Variants in DOCK2 observed in about 807,000 individuals in gnomAD.
The protein encoded by DOCK2 is dedicator of cytokinesis protein 2.
A neutral mutation model predicts 248.9 loss-of-function variants in DOCK2; 87 were observed. The observed-to-expected ratio is 0.35, with a 90% CI of 0.29 to 0.42. The LOEUF (loss-of-function observed/expected upper bound fraction) is 0.42. Ranked by LOEUF, DOCK2 falls within the 10% of genes least tolerant of loss-of-function variation. The pLI is 1.00. For missense variants in DOCK2, 1,747 were observed against 2,300.2 expected (o/e 0.76, Z 4.92); for synonymous variants, 805 against 821.6 (o/e 0.98, Z 0.35).
chr5:170,079,128 A>G lies in DOCK2; in HGVS notation c.5148A>G (p.Ala1716=). 1 of 1,613,734 alleles carries G rather than the reference A, an allele frequency of 6.2e-7. No homozygotes were observed. Among genetic ancestry groups the G allele is most frequent in the Non-Finnish European group, 8.5e-7 (1 of 1,180,002 alleles). ...TTTTTGCGGATGAGAAAGCAGCTGCAGAGTCGGACCTGAAGCGGGTGAGTG... is the reference window on the plus strand; with the variant it reads ...TTTTTGCGGATGAGAAAGCAGCTGCGGAGTCGGACCTGAAGCGGGTGAGTG... The part of the protein sequence containing the change: ...SVVFADEKAA[A]ESDLKRLSRK... Residue 1716 remains alanine (A), a synonymous_variant, in exon 49 of 52, where the codon GCA becomes GCG. Coordinates refer to ENST00000520908, the MANE Select transcript of DOCK2 (RefSeq NM_004946.3).
intron 39 of DOCK2, among the ~76,000 whole-genome samples, chr5:170,046,208 A>G (rs572210494): frequency 6.6e-6 from 1 of 152,376 alleles, no homozygotes; most frequent in South Asian, 2.1e-4. Context: ...TTACATTTGC[A>G]GTAAAAGTTC....
chr5:169,972,236 C>A (rs1316779400), intron 27 of DOCK2, among the ~76,000 whole-genome samples: 1 of 152,166 alleles, frequency 6.6e-6, no homozygotes, highest in Non-Finnish European at 1.5e-5. Flanking sequence ...ATAGATTGTT[C>A]CTGCTTATTA....
At chr5:169,929,847 TCTTGTTTTGTGCTC>T (rs1321866057) in intron 27 of DOCK2, among the ~76,000 whole-genome samples, 8 of 151,740 alleles carry the variant, frequency 5.3e-5, no homozygotes, top group Admixed American at 2.6e-4. Context: ...AGGATAGAAA[TCTTGTTTTGTGCTC>T]CTTGTTTTGT....
At chr5:170,028,370 C>T (rs958083282) in intron 34 of DOCK2, 1 of 155,182 alleles carries the variant, frequency 6.4e-6, no homozygotes, top group African/African-American at 2.4e-5. Flanking sequence ...CACACTTACT[C>T]CCTTTGATGC....
At chr5:169,873,346 C>T (rs72842509) in intron 27 of DOCK2, among the ~76,000 whole-genome samples, 15,202 of 152,178 alleles carry the variant, frequency 0.1, 933 homozygotes, top group Admixed American at 0.17. Context: ...AGCTGTTTCC[C>T]AAAGAGACAT....
At chr5:170,069,251 G>A (rs771030100) in intron 46 of DOCK2, 31 bp downstream of exon 46, 2 of 1,609,126 alleles carry the variant, frequency 1.2e-6, no homozygotes, top group Non-Finnish European at 1.7e-6. Context: ...GGAGCATGCT[G>A]CTCTCCTTCC....
chr5:169,996,627 G>A (rs1423029770), intron 30 of DOCK2, among the ~76,000 whole-genome samples: 1 of 152,110 alleles, frequency 6.6e-6, no homozygotes, highest in Non-Finnish European at 1.5e-5. Context: ...AGAGATTCAG[G>A]GTCCTAAAAG....
At chr5:169,639,340 A>T (rs1283006046) in intron 1 of DOCK2, among the ~76,000 whole-genome samples, 2 of 152,196 alleles carry the variant, frequency 1.3e-5, no homozygotes, top group Non-Finnish European at 2.9e-5. Context: ...AGGAGAGAGG[A>T]AAGGGCAGAA....
chr5:169,824,091 A>C (rs184770897), intron 26 of DOCK2, among the ~76,000 whole-genome samples: 11,604 of 152,190 alleles, frequency 0.076, 453 homozygotes, highest in Non-Finnish European at 0.083. Context: ...TTCAAGGAGA[A>C]CTACAAACCA....
At chr5:169,873,087 G>T (rs190031808) in intron 27 of DOCK2, among the ~76,000 whole-genome samples, 2 of 152,304 alleles carry the variant, frequency 1.3e-5, no homozygotes, top group East Asian at 3.9e-4. Flanking sequence ...TTCAACTCGT[G>T]TAATTTTATA....
At chr5:169,777,399 A>G (rs1468734109) in intron 25 of DOCK2, among the ~76,000 whole-genome samples, 1 of 152,192 alleles carries the variant, frequency 6.6e-6, no homozygotes, top group African/African-American at 2.4e-5. Context: ...CATTAGTCCT[A>G]GGCAGCCAAA....
At position 169,681,827 on chromosome 5, in the gene DOCK2, A is replaced by T; in HGVS notation, c.554A>T (p.His185Leu). The T allele has an allele frequency of 2.5e-6, 4 of 1,614,050 alleles. No individual in the cohort carries two copies. Among genetic ancestry groups the T allele is most frequent in the Non-Finnish European group, 3.4e-6 (4 of 1,179,944 alleles). ...AATACCAGTGTCATCAGCTTGTTCCATGCACATGAGGAAGCAACTGATAAA... is the reference window on the plus strand; with the variant it reads ...AATACCAGTGTCATCAGCTTGTTCCTTGCACATGAGGAAGCAACTGATAAA... ...PDNTSVISLF[H>L]AHEEATDKIT... Residue 185 changes from histidine to leucine, a missense_variant, in exon 7 of 52, where the codon CAT becomes CTT. Transcript: ENST00000520908.
At chr5:169,702,480 C>T in intron 14 of DOCK2, 53 bp downstream of exon 14, 1 of 1,603,030 alleles carries the variant, frequency 6.2e-7, no homozygotes, top group Non-Finnish European at 8.5e-7. Context: ...GGGGCCTCTG[C>T]TTGTAAAGAC....
intron 32 of DOCK2, among the ~76,000 whole-genome samples, chr5:170,014,500 A>T (rs1755434958): frequency 6.6e-6 from 1 of 151,866 alleles, no homozygotes; most frequent in Non-Finnish European, 1.5e-5. Flanking sequence ...TATCTGGTGG[A>T]TTTTTTACAC....
intron 26 of DOCK2, among the ~76,000 whole-genome samples, chr5:169,815,818 T>A (rs1177475052): frequency 1.3e-5 from 2 of 152,094 alleles, no homozygotes; most frequent in Non-Finnish European, 2.9e-5. Flanking sequence ...GTAACAAAGC[T>A]GGGCTCTGAC....
At chr5:169,675,261 G>A (rs1022323731) in intron 6 of DOCK2, among the ~76,000 whole-genome samples, 5 of 152,076 alleles carry the variant, frequency 3.3e-5, no homozygotes, top group Non-Finnish European at 7.4e-5. Flanking sequence ...TGGAGTCCAG[G>A]GCCTCACCAC....
In DOCK2 at chr5:169,711,917, C is replaced by T. The variant is rs760552954; in HGVS notation, c.1483-18C>T. On this transcript the variant is annotated intron_variant, in intron 15 of 51. Coordinates refer to ENST00000520908, the MANE Select transcript of DOCK2 (RefSeq NM_004946.3). ...CCTTTAACTCATTGTGTTCTGAGCT[C>T]TGTTTCTGTCTGCTGAGGTGGCTGT... is the stretch of plus-strand genomic sequence containing the variant. 3 of 1,613,540 alleles carry T rather than the reference C, an allele frequency of 1.9e-6. No homozygotes were observed. In the South Asian group the frequency reaches 3.3e-5, roughly 18 times the overall value.
intron 29 of DOCK2, among the ~76,000 whole-genome samples, chr5:169,995,140 T>TG (rs1453886349): frequency 6.6e-6 from 1 of 151,864 alleles, no homozygotes; most frequent in Non-Finnish European, 1.5e-5. Flanking sequence ...GGGATCCTCA[T>TG]GCCTCAGCTT....
intron 14 of DOCK2, among the ~76,000 whole-genome samples, chr5:169,707,202 T>C (rs1030921208): frequency 6.6e-6 from 1 of 152,144 alleles, no homozygotes; most frequent in Non-Finnish European, 1.5e-5. Flanking sequence ...GAAGTAGGCA[T>C]TGTTGTATGT....
Sources: allele counts gnomAD v4.1 joint callset (sites outside exome capture counted in the v4.1 genomes callset), GRCh38; gene constraint gnomAD v4.1.1; transcripts MANE v1.5; gene names NCBI Gene and HGNC (gene_info 2026-07-23, HGNC 2026-07-21).